GRIA1: variants seen among roughly 807,000 people sequenced by gnomAD.
The protein encoded by GRIA1 is glutamate receptor 1.
A neutral mutation model predicts 99.2 loss-of-function variants in GRIA1; 31 were observed. That is an observed-to-expected ratio of 0.31 (90% CI 0.23 to 0.42). The LOEUF is 0.42. GRIA1 is among the 10% of genes least tolerant of loss of function. The pLI is 1.00. For synonymous variants in GRIA1, 438 were observed against 432.4 expected (o/e 1.01, Z -0.16); for missense variants, 782 against 1,157.5 (o/e 0.68, Z 4.71).
intron 11 of GRIA1, among the ~76,000 whole-genome samples, chr5:153,724,695 G>GA (rs1470667479): frequency 1.3e-5 from 2 of 152,094 alleles, no homozygotes; most frequent in Non-Finnish European, 2.9e-5. Context: ...GAAGTTTAGA[G>GA]AAAAAAGAAT....
intron 2 of GRIA1, chr5:153,574,420 A>G (rs565508310): frequency 6.6e-6 from 1 of 152,180 alleles, no homozygotes. Flanking sequence ...AATAATCATT[A>G]TCTTTGTTCA....
chr5:153,796,998 A>C (rs1312233875), intron 14 of GRIA1, among the ~76,000 whole-genome samples: 1 of 152,176 alleles, frequency 6.6e-6, no homozygotes, highest in Non-Finnish European at 1.5e-5. Context: ...CTGGGAATTC[A>C]CACAATGATG....
intron 2 of GRIA1, among the ~76,000 whole-genome samples, chr5:153,508,667 G>C (rs541611973): frequency 6.6e-6 from 1 of 152,202 alleles, no homozygotes; most frequent in Non-Finnish European, 1.5e-5. Context: ...AAAGATTACT[G>C]TGGCTCCTCT....
intron 5 of GRIA1, among the ~76,000 whole-genome samples, chr5:153,669,512 C>G (rs1338458670): frequency 1.3e-5 from 2 of 152,114 alleles, no homozygotes; most frequent in Non-Finnish European, 2.9e-5. Flanking sequence ...AACTTCTCTC[C>G]CCTGTCTTGC....
chr5:153,544,471 GA>G (rs1759427356), intron 2 of GRIA1, among the ~76,000 whole-genome samples: 1 of 152,124 alleles, frequency 6.6e-6, no homozygotes, highest in African/African-American at 2.4e-5. Context: ...ACATCAAATG[GA>G]AAAGTCCTGC....
chr5:153,657,505 G>A (rs1755041794), intron 5 of GRIA1, among the ~76,000 whole-genome samples: 3 of 152,148 alleles, frequency 2.0e-5, no homozygotes, highest in Non-Finnish European at 4.4e-5. Flanking sequence ...TTTTAACCAT[G>A]TTATTTTGTG....
chr5:153,604,308 AC>A (rs1765265210), intron 2 of GRIA1, among the ~76,000 whole-genome samples: 1 of 152,228 alleles, frequency 6.6e-6, no homozygotes. Context: ...CACGTGAGTT[AC>A]CTTCAAGGGT....
At chr5:153,700,516 T>A (rs1311707886) in intron 10 of GRIA1, among the ~76,000 whole-genome samples, 10 of 152,090 alleles carry the variant, frequency 6.6e-5, no homozygotes, top group Non-Finnish European at 1.3e-4. Context: ...TGTTGAGGAC[T>A]TGGGTTGAAG....
At chr5:153,720,760 C>T (rs1013160804) in intron 11 of GRIA1, among the ~76,000 whole-genome samples, 14 of 152,198 alleles carry the variant, frequency 9.2e-5, no homozygotes, top group African/African-American at 3.1e-4. Context: ...TCAGGTTTCA[C>T]ACTTCGAATG....
At chr5:153,625,107 T>C (rs75090522) in intron 2 of GRIA1, among the ~76,000 whole-genome samples, 2 of 125,794 alleles carry the variant, frequency 1.6e-5, no homozygotes, top group African/African-American at 5.4e-5. Flanking sequence ...TACATCTCTA[T>C]TTTTTTTTTA....
chr5:153,495,341 T>A (rs1009752221), intron 2 of GRIA1, among the ~76,000 whole-genome samples: 1 of 152,200 alleles, frequency 6.6e-6, no homozygotes, highest in African/African-American at 2.4e-5. Flanking sequence ...TACTAGACAT[T>A]ATCTTCCTTT....
chr5:153,795,889 CTT>C (rs1408306130), intron 14 of GRIA1, among the ~76,000 whole-genome samples: 2 of 152,080 alleles, frequency 1.3e-5, no homozygotes, highest in East Asian at 3.9e-4. Flanking sequence ...GGCAAGTACT[CTT>C]TGCTGTGGGA....
At chr5:153,623,517 C>G (rs1447144251) in intron 2 of GRIA1, among the ~76,000 whole-genome samples, 1 of 152,168 alleles carries the variant, frequency 6.6e-6, no homozygotes, top group African/African-American at 2.4e-5. Flanking sequence ...AGAGAAGACA[C>G]TAATTAAGTT....
intron 11 of GRIA1, among the ~76,000 whole-genome samples, chr5:153,763,030 G>A (rs1481722021): frequency 6.6e-6 from 1 of 152,068 alleles, no homozygotes; most frequent in African/African-American, 2.4e-5. Context: ...CGCTCTCCTG[G>A]TCTCATCCAT....
chr5:153,689,534 G>A (rs1163096892), intron 8 of GRIA1, among the ~76,000 whole-genome samples: 3 of 152,144 alleles, frequency 2.0e-5, no homozygotes, highest in African/African-American at 7.2e-5. Flanking sequence ...TTTTCTACAC[G>A]TTAGTGGTCA....
intron 11 of GRIA1, among the ~76,000 whole-genome samples, chr5:153,753,181 C>G (rs1581598087): frequency 6.6e-6 from 1 of 152,180 alleles, no homozygotes; most frequent in Admixed American, 6.5e-5. Context: ...AGACAGACCT[C>G]TAATCTACAG....
intron 11 of GRIA1, among the ~76,000 whole-genome samples, chr5:153,752,983 A>G (rs1472191074): frequency 6.6e-6 from 1 of 152,214 alleles, no homozygotes; most frequent in East Asian, 1.9e-4. Flanking sequence ...GAGGAAGTCA[A>G]GTGATGAGAA....
chr5:153,540,941 A>G (rs1323727721), intron 2 of GRIA1, among the ~76,000 whole-genome samples: 1 of 152,196 alleles, frequency 6.6e-6, no homozygotes, highest in East Asian at 1.9e-4. Context: ...TAAGTAAGAT[A>G]AAGTAAGAAT....
intron 7 of GRIA1, among the ~76,000 whole-genome samples, chr5:153,683,099 T>TG (rs998554917): frequency 1.3e-5 from 2 of 152,194 alleles, no homozygotes; most frequent in African/African-American, 4.8e-5. Context: ...CACCCTGGGA[T>TG]GGGGGGAGAG....
Sources: allele counts gnomAD v4.1 joint callset (sites outside exome capture counted in the v4.1 genomes callset), GRCh38; gene constraint gnomAD v4.1.1; transcripts MANE v1.5; gene names NCBI Gene and HGNC (gene_info 2026-07-23, HGNC 2026-07-21).